Variants in KCNT1 observed in about 807,000 individuals in gnomAD.
KCNT1 encodes the protein potassium sodium-activated channel subfamily T member 1, also known as potassium channel subfamily T member 1.
Under a neutral mutation model 147.8 loss-of-function variants are expected in KCNT1, and 78 were observed. The observed-to-expected ratio is 0.53, with a 90% CI of 0.44 to 0.64. The LOEUF is 0.64. KCNT1 is among the 30% of genes least tolerant of loss of function. The pLI is 0.00. For missense variants in KCNT1, 1,419 were observed against 1,750.3 expected (o/e 0.81, Z 3.38); for synonymous variants, 867 against 748.8 (o/e 1.16, Z -2.58).
At chr9:135,781,412 A>G (rs909288559) in intron 24 of KCNT1, among the ~76,000 whole-genome samples, 2 of 152,080 alleles carry the variant, frequency 1.3e-5, no homozygotes, top group African/African-American at 4.8e-5. Context: ...CCGCCTCCCC[A>G]GCATGCAAGG....
At chr9:135,774,680 G>A (rs554100049) in intron 19 of KCNT1, among the ~76,000 whole-genome samples, 5 of 152,198 alleles carry the variant, frequency 3.3e-5, no homozygotes, top group East Asian at 3.9e-4. Flanking sequence ...GTCCGTGCAC[G>A]TGGTGCACGT....
chr9:135,717,775 G>C (rs887806748), intron 2 of KCNT1, among the ~76,000 whole-genome samples: 3 of 152,248 alleles, frequency 2.0e-5, no homozygotes, highest in African/African-American at 7.2e-5. Flanking sequence ...CTTGGTCTCA[G>C]CAGCAGCCTG....
chr9:135,745,492 CTG>C (rs1830781985), intron 2 of KCNT1, among the ~76,000 whole-genome samples: 1 of 152,254 alleles, frequency 6.6e-6, no homozygotes, highest in Admixed American at 6.5e-5. Context: ...AAGGCCTGCG[CTG>C]TCTCTTTTGG....
rs764988822 is a variant in KCNT1 at position 135,779,336 on chromosome 9, C to G, written c.2730-23C>G. ...CTCCTACAACCACCATGGGCCCCGCCCTGAGCCGCCTGCCTCCCCCAGGCT... is the reference window on the plus strand; with the variant it reads ...CTCCTACAACCACCATGGGCCCCGCGCTGAGCCGCCTGCCTCCCCCAGGCT... On this transcript the variant is annotated intron_variant, in intron 23 of 30. Coordinates refer to ENST00000371757, the MANE Select transcript of KCNT1 (RefSeq NM_020822.3). 2.0e-6 allele frequency: 3 copies of G among 1,534,822 alleles called. No individual in the cohort carries two copies. In the South Asian group the frequency reaches 3.4e-5, roughly 17 times the overall value.
chr9:135,757,471 A>T, intron 9 of KCNT1, 90 bp downstream of exon 9: 2 of 1,188,050 alleles, frequency 1.7e-6, no homozygotes, highest in Non-Finnish European at 2.4e-6. Context: ...GTAGCCTGCC[A>T]CGCCCCGGCC....
rs369299178 is a variant in KCNT1, at chr9:135,784,140, G to C, written c.2943+15G>C. On this transcript the variant is annotated intron_variant, in intron 25 of 30. Coordinates refer to ENST00000371757, the MANE Select transcript of KCNT1 (RefSeq NM_020822.3). ...TGCTCTACCAGGTCAGCGGGGAAGC[G>C]GCAGCAGGAGGGTGGCGCCTGGGTG... is the stretch of plus-strand genomic sequence containing the variant. The C allele has an allele frequency of 1.9e-5, 31 of 1,595,136 alleles. No individual in the cohort carries two copies. Among genetic ancestry groups the C allele is most frequent in the Non-Finnish European group, 2.5e-5 (29 of 1,173,794 alleles).
In KCNT1 at chr9:135,748,510, G is replaced by A. The variant is rs540091551; in HGVS notation, c.255-1588G>A. Among the ~76,000 whole-genome samples the A allele has an allele frequency of 2.0e-5, 3 of 152,378 alleles. No homozygotes were observed. In the East Asian group the frequency reaches 5.8e-4, roughly 29 times the overall value. ...ATTGATAGGAGCCAGTGCCTGCTCAGAGGGGAGGTGAGGCTCACAGCCCAC... is the reference window on the plus strand; with the variant it reads ...ATTGATAGGAGCCAGTGCCTGCTCAAAGGGGAGGTGAGGCTCACAGCCCAC... On this transcript the variant is annotated intron_variant, in intron 2 of 30. Transcript: ENST00000371757.
Position 135,794,756 on chromosome 9 carries a change from TCATCTC to T in KCNT1, c.*2598_*2603del, listed in dbSNP as rs1445414044. ...GTGCTCTCCTTGGCCTCTGTGTTCT[TCATCTC>T]CAGGTTTAGGGAGCACCCGGGTGCC... On this transcript the variant is annotated 3_prime_UTR_variant, in exon 31 of 31. Coordinates refer to ENST00000371757, the MANE Select transcript of KCNT1 (RefSeq NM_020822.3). 6.6e-6 allele frequency: 1 copy of T among 152,154 alleles called. No individual in the cohort carries two copies. The highest frequency in any genetic ancestry group is 6.5e-5 in the Admixed American group (1 of 15,276). 9.4% of individuals were successfully genotyped at this position (152,154 alleles called of 1,614,324 possible). A position where few individuals can be genotyped will look rare whatever the true frequency, so the allele number is the denominator to read the frequency against.
At chr9:135,755,443 C>T (rs989628794) in intron 6 of KCNT1, among the ~76,000 whole-genome samples, 3 of 142,880 alleles carry the variant, frequency 2.1e-5, no homozygotes, top group Non-Finnish European at 4.6e-5. Flanking sequence ...ACAAACCCAG[C>T]ATTTACTGAC....
intron 2 of KCNT1, among the ~76,000 whole-genome samples, chr9:135,716,344 T>C (rs1320916406): frequency 2.6e-5 from 4 of 152,082 alleles, no homozygotes; most frequent in Admixed American, 2.0e-4. Context: ...TGTTCAGGAG[T>C]GGACAGCAGA....
intron 28 of KCNT1, 126 bp from the exon 29 acceptor site, chr9:135,786,071 C>A: frequency 1.3e-6 from 1 of 791,464 alleles, no homozygotes; most frequent in South Asian, 1.7e-5. Flanking sequence ...CCCTAACACC[C>A]CCAGCTGCTC....
At chr9:135,726,240 C>T (rs977850175) in intron 2 of KCNT1, among the ~76,000 whole-genome samples, 1 of 152,072 alleles carries the variant, frequency 6.6e-6, no homozygotes, top group Non-Finnish European at 1.5e-5. Flanking sequence ...CCCAGCCCCT[C>T]TCCACAGCAC....
chr9:135,770,743 G>A (rs1199332349), intron 17 of KCNT1, 114 bp from the exon 18 acceptor site: 3 of 1,075,964 alleles, frequency 2.8e-6, no homozygotes, highest in Non-Finnish European at 4.0e-6. Flanking sequence ...ATGGCCCCCA[G>A]GAGGAAGACG....
chr9:135,770,980 G>T lies in KCNT1; in HGVS notation c.1893G>T (p.Glu631Asp). ...TCTACATCAACATCACCAAGGAGGAGAACTCGGCCTTCATCTTCAAGCAGG... is the reference window on the plus strand; with the variant it reads ...TCTACATCAACATCACCAAGGAGGATAACTCGGCCTTCATCTTCAAGCAGG... Reference protein sequence around the residue: ...TCFYINITKEENSAFIFKQEE... With the variant: ...TCFYINITKEDNSAFIFKQEE... The change falls in exon 18 of 31, where the codon GAG becomes GAT. Residue 631 changes from glutamate (E) to aspartate (D), a missense_variant. Glu to Asp is a conservative substitution (Grantham distance 45, BLOSUM62 2). This residue lies in a region of KCNT1 where 284 missense variants were observed against 292.8 expected (regional missense o/e 0.97). Transcript: ENST00000371757. 3 of 1,614,002 alleles carry T rather than the reference G, an allele frequency of 1.9e-6. No individual in the cohort carries two copies. The highest frequency in any genetic ancestry group is 2.5e-6 in the Non-Finnish European group (3 of 1,179,956).
At chr9:135,739,737 G>A (rs1465692553) in intron 2 of KCNT1, among the ~76,000 whole-genome samples, 4 of 152,172 alleles carry the variant, frequency 2.6e-5, no homozygotes, top group African/African-American at 4.8e-5. Flanking sequence ...GCCCCGCTCC[G>A]GGCTGCACAC....
chr9:135,716,352 A>C (rs1256305687), intron 2 of KCNT1, among the ~76,000 whole-genome samples: 4 of 152,200 alleles, frequency 2.6e-5, no homozygotes, highest in Non-Finnish European at 5.9e-5. Context: ...AGTGGACAGC[A>C]GAGGCTTTTG....
At chr9:135,738,122 C>T (rs879609144) in intron 2 of KCNT1, among the ~76,000 whole-genome samples, 1 of 152,218 alleles carries the variant, frequency 6.6e-6, no homozygotes, top group Non-Finnish European at 1.5e-5. Flanking sequence ...CAGGCTGCGT[C>T]TGAGCCCGCA....
At chr9:135,725,126 C>A (rs1348244059) in intron 2 of KCNT1, among the ~76,000 whole-genome samples, 2 of 152,224 alleles carry the variant, frequency 1.3e-5, no homozygotes, top group Non-Finnish European at 2.9e-5. Context: ...AACCGCCTCC[C>A]TGCACAGACA....
intron 12 of KCNT1, 126 bp from the exon 13 acceptor site, chr9:135,765,498 C>T (rs778030868): frequency 1.3e-5 from 14 of 1,109,856 alleles, no homozygotes; most frequent in African/African-American, 1.3e-4. Context: ...TCCCTCCCAC[C>T]AGATGCAAGA....
Sources: gnomAD v4.1 joint callset for allele counts (sites outside exome capture counted in the v4.1 genomes callset) on GRCh38, gnomAD v4.1.1 for gene constraint, gnomAD v4.1.1 regional missense constraint, MANE v1.5 for transcripts, NCBI Gene and HGNC (gene_info 2026-07-23, HGNC 2026-07-21) for gene names.